Variants in PHLDB3 observed in about 807,000 individuals in gnomAD.
PHLDB3 encodes the protein pleckstrin homology-like domain family B member 3.
Under a neutral mutation model 85.7 loss-of-function variants are expected in PHLDB3, and 86 were observed. That is an observed-to-expected ratio of 1.00 (90% CI 0.84 to 1.20). The LOEUF (loss-of-function observed/expected upper bound fraction) is 1.20. Ranked by LOEUF, PHLDB3 falls within the 50% of genes most tolerant of loss-of-function variation. The pLI, the probability that PHLDB3 is intolerant of heterozygous loss-of-function variation, is 0.00. For missense variants in PHLDB3, 995 were observed against 873.0 expected (o/e 1.14, Z -1.76); for synonymous variants, 376 against 349.8 (o/e 1.07, Z -0.83).
Position 43,497,285 on chromosome 19 carries a change from G to C in PHLDB3, c.664-6C>G. 1 of 1,427,114 alleles carries C rather than the reference G, an allele frequency of 7.0e-7. No homozygotes were observed. The highest frequency in any genetic ancestry group is 9.2e-7 in the Non-Finnish European group (1 of 1,086,266). 88.4% of individuals were successfully genotyped at this position (1,427,114 alleles called of 1,614,324 possible). A position where few individuals can be genotyped will look rare whatever the true frequency, so the allele number is the denominator to read the frequency against. On this transcript the variant is annotated splice_region_variant and splice_polypyrimidine_tract_variant and intron_variant, in intron 5 of 15. Transcript: ENST00000292140. The stretch of plus-strand genomic sequence containing the variant: ...ACATCCAGTTGTTCCCTCATCTATA[G>C]GTCGGAACACAAAAAGGGTGGAGGC...
At chr19:43,482,445 C>T (rs1273512491) in intron 13 of PHLDB3, among the ~76,000 whole-genome samples, 1 of 152,122 alleles carries the variant, frequency 6.6e-6, no homozygotes, top group Non-Finnish European at 1.5e-5. Flanking sequence ...CAGGGGTGTA[C>T]GGCAGGGGAC....
chr19:43,490,400 A>C (rs1238305391), intron 9 of PHLDB3, among the ~76,000 whole-genome samples: 2 of 151,990 alleles, frequency 1.3e-5, no homozygotes, highest in African/African-American at 2.4e-5. Context: ...ATGTCTACAA[A>C]GAATACAAAA....
intron 1 of PHLDB3, 184 bp from the exon 2 acceptor site, chr19:43,504,316 A>G: frequency 9.7e-6 from 6 of 621,002 alleles, no homozygotes; most frequent in Non-Finnish European, 1.4e-5. Flanking sequence ...GATGGCTCCA[A>G]GGCGACACGC....
intron 9 of PHLDB3, among the ~76,000 whole-genome samples, chr19:43,488,724 GCAAAA>G (rs1971242154): frequency 6.6e-6 from 1 of 152,058 alleles, no homozygotes; most frequent in African/African-American, 2.4e-5. Flanking sequence ...ATCTGTGCTA[GCAAAA>G]GCCTGGAGAC....
chr19:43,486,570 G>A, intron 12 of PHLDB3, 39 bp downstream of exon 12: 1 of 1,590,082 alleles, frequency 6.3e-7, no homozygotes, highest in Non-Finnish European at 8.6e-7. Context: ...AGAGGCTGGG[G>A]CAGTCTTCTG....
intron 4 of PHLDB3, among the ~76,000 whole-genome samples, chr19:43,500,921 C>G (rs1459114752): frequency 1.7e-5 from 2 of 115,464 alleles, no homozygotes; most frequent in Admixed American, 8.4e-5. Flanking sequence ...CCCCCCCCCA[C>G]CCCGCAAGTA....
In PHLDB3 at chr19:43,475,550, A is replaced by T; in HGVS notation, c.1789-6T>A. ...GTCAGGCGGGGGTTGGGGCTCTGGA[A>T]TAAGCAGAAAGTGAGGGTAATTCAG... On this transcript the variant is annotated splice_region_variant and splice_polypyrimidine_tract_variant and intron_variant, in intron 15 of 15. Coordinates refer to ENST00000292140, the MANE Select transcript of PHLDB3 (RefSeq NM_198850.4). The T allele has an allele frequency of 6.2e-7, 1 of 1,613,822 alleles. No homozygotes were observed. Among genetic ancestry groups the T allele is most frequent in the Non-Finnish European group, 8.5e-7 (1 of 1,179,816 alleles).
At position 43,502,287 on chromosome 19, in the gene PHLDB3, A is replaced by T; in HGVS notation, c.214-4T>A. ...CTATCGGAGGCGTAGCCTCGGGCTG[A>T]AGTTGAGGGGGGCGTGGTTAAGTGG... On this transcript the variant is annotated splice_region_variant and splice_polypyrimidine_tract_variant and intron_variant, in intron 2 of 15. Transcript: ENST00000292140. 1 of 1,552,338 alleles carries T rather than the reference A, an allele frequency of 6.4e-7. No homozygotes were observed. The highest frequency in any genetic ancestry group is 8.7e-7 in the Non-Finnish European group (1 of 1,153,736).
intron 12 of PHLDB3, 107 bp downstream of exon 12, chr19:43,486,502 G>C (rs868203763): frequency 7.2e-7 from 1 of 1,384,370 alleles, no homozygotes; most frequent in Non-Finnish European, 9.8e-7. Context: ...GGGGCTGGGG[G>C]CCTGGACCCC....
chr19:43,487,395 T>G (rs1280696605), intron 9 of PHLDB3, among the ~76,000 whole-genome samples: 1 of 151,444 alleles, frequency 6.6e-6, no homozygotes, highest in African/African-American at 2.4e-5. Flanking sequence ...GCCAATATGG[T>G]GAAACCCCAT....
chr19:43,502,080 C>T lies in PHLDB3; in HGVS notation c.396+21G>A, dbSNP rs1443320414. On this transcript the variant is annotated intron_variant, in intron 3 of 15. Transcript: ENST00000292140. Reference sequence around the variant, plus strand: ...TCCGCTTGAGTTGGGGCCAGGCTTCCCAAGGGGTCCGCAGCCTCACCTCGA... The same window carrying T: ...TCCGCTTGAGTTGGGGCCAGGCTTCTCAAGGGGTCCGCAGCCTCACCTCGA... The T allele has an allele frequency of 2.6e-6, 4 of 1,554,716 alleles. No homozygotes were observed. The African/African-American group carries it at 4.1e-5, about 16-fold the overall frequency.
chr19:43,497,927 C>A (rs1453956102), intron 4 of PHLDB3, 51 bp from the exon 5 acceptor site: 1 of 1,552,330 alleles, frequency 6.4e-7, no homozygotes, highest in East Asian at 2.4e-5. Context: ...GCGGGAGAAG[C>A]AGCAGCCAGC....
chr19:43,502,195 A>C lies in PHLDB3; in HGVS notation c.302T>G (p.Leu101Arg). 6.4e-7 allele frequency: 1 copy of C among 1,571,844 alleles called. No homozygotes were observed. Among genetic ancestry groups the C allele is most frequent in the South Asian group, 1.2e-5 (1 of 85,570 alleles). ...REGVRGAARR[L>R]QGQQLEALTR... is the part of the protein sequence containing the mutation. ...CAATGCCTCCAGCTGCTGTCCTTGC[A>C]GGCGCCGCGCCGCCCCTCGCACCCC... Residue 101 changes from leucine to arginine, a missense_variant, in exon 3 of 16, where the codon CTG (leucine) becomes CGG (arginine). Leu to Arg is a moderately radical substitution (Grantham distance 102). Transcript: ENST00000292140.
intron 5 of PHLDB3, 24 bp from the exon 6 acceptor site, chr19:43,497,303 G>A (rs186378443): frequency 5.0e-6 from 7 of 1,396,966 alleles, no homozygotes; most frequent in Admixed American, 3.1e-5. Context: ...CACAAAAAGG[G>A]TGGAGGCCTG....
At chr19:43,492,768 C>A (rs567259536) in intron 9 of PHLDB3, among the ~76,000 whole-genome samples, 2 of 152,228 alleles carry the variant, frequency 1.3e-5, no homozygotes, top group South Asian at 4.1e-4. Context: ...AAACAAGAAC[C>A]TAGCTCACAG....
intron 9 of PHLDB3, among the ~76,000 whole-genome samples, chr19:43,488,802 C>CT (rs1568478140): frequency 9.4e-5 from 14 of 149,698 alleles, no homozygotes; most frequent in South Asian, 8.6e-4. Context: ...CTCCATAGAC[C>CT]ATTTTTTTTT....
intron 13 of PHLDB3, among the ~76,000 whole-genome samples, chr19:43,481,300 T>C (rs1342565166): frequency 2.6e-5 from 4 of 151,916 alleles, no homozygotes; most frequent in Non-Finnish European, 4.4e-5. Context: ...TGGGGCAACA[T>C]GGCGAAACCC....
chr19:43,500,545 G>A (rs1224611412), intron 4 of PHLDB3, among the ~76,000 whole-genome samples: 1 of 152,174 alleles, frequency 6.6e-6, no homozygotes, highest in Non-Finnish European at 1.5e-5. Context: ...GAACTTTGGG[G>A]ACTTCATTCA....
rs757616676 is a variant in PHLDB3, at chr19:43,479,552, C to A, written c.1527G>T (p.Leu509Phe). The A allele has an allele frequency of 3.6e-6, 3 of 833,454 alleles. No individual in the cohort carries two copies. The highest frequency in any genetic ancestry group is 4.4e-5 in the African/African-American group (2 of 45,486). 51.6% of individuals were successfully genotyped at this position (833,454 alleles called of 1,614,324 possible). Residue 509 changes from leucine (L) to phenylalanine (F), a missense_variant, in exon 14 of 16, where the codon TTG becomes TTT. Physicochemically the swap from Leu to Phe is conservative, Grantham distance 22. Coordinates refer to ENST00000292140, the MANE Select transcript of PHLDB3 (RefSeq NM_198850.4). ...ATCCCTCCAGATGCTGCCGGAGATC[C>A]AAGATTCGCGGGCCTGGAGGGTGGG... ...TPPHPPGPRI[L>F]DLRQHLEGWG...
Sources: allele counts gnomAD v4.1 joint callset (sites outside exome capture counted in the v4.1 genomes callset), GRCh38; gene constraint gnomAD v4.1.1; transcripts MANE v1.5; gene names NCBI Gene and HGNC (gene_info 2026-07-23, HGNC 2026-07-21).